ARID1B: variants seen among roughly 807,000 people sequenced by gnomAD.
ARID1B encodes the protein AT-rich interaction domain 1B.
ARID1B carries 30 observed loss-of-function variants against 212.3 expected under a neutral mutation model. That is an observed-to-expected ratio of 0.14 (90% CI 0.11 to 0.19). ARID1B has a LOEUF of 0.19. Ranked by LOEUF, ARID1B falls within the 10% of genes least tolerant of loss-of-function variation. The pLI is 1.00. For missense variants in ARID1B, 2,891 were observed against 3,204.0 expected (o/e 0.90, Z 2.36); for synonymous variants, 1,402 against 1,301.7 (o/e 1.08, Z -1.66).
intron 4 of ARID1B, among the ~76,000 whole-genome samples, chr6:157,055,654 C>T (rs181454104): frequency 6.6e-6 from 1 of 152,268 alleles, no homozygotes; most frequent in Admixed American, 6.5e-5. Flanking sequence ...ACACATTACC[C>T]CCAAATTCAG....
Position 157,203,698 on chromosome 6 carries a change from C to A in ARID1B, c.5264-168C>A. 1 of 859,024 alleles carries A rather than the reference C, an allele frequency of 1.2e-6. No individual in the cohort carries two copies. Among genetic ancestry groups the A allele is most frequent in the Non-Finnish European group, 1.8e-6 (1 of 547,468 alleles). The allele number at this position is 859,024 out of a possible 1,614,324, so 53.2% of individuals were successfully genotyped here. A position where few individuals can be genotyped will look rare whatever the true frequency, so the allele number is the denominator to read the frequency against. ...AAAAGTTTCTCGTTACAGCTATGGCCTCCATTTAAAATCGGAAATGATCAC... is the reference window on the plus strand; with the variant it reads ...AAAAGTTTCTCGTTACAGCTATGGCATCCATTTAAAATCGGAAATGATCAC... On this transcript the variant is annotated intron_variant, in intron 18 of 19. Coordinates refer to ENST00000636930, the MANE Select transcript of ARID1B (RefSeq NM_001374828.1). This position sits in a 1 kb window ranked among gnomAD's most constrained non-coding sequence, Gnocchi z 4.4.
chr6:156,894,331 G>A (rs1264584225), intron 2 of ARID1B, among the ~76,000 whole-genome samples: 4 of 146,000 alleles, frequency 2.7e-5, no homozygotes, highest in Non-Finnish European at 6.1e-5. Context: ...GGAACAGAAT[G>A]TGGGGTTGTT....
intron 4 of ARID1B, among the ~76,000 whole-genome samples, chr6:156,983,714 T>C (rs567022730): frequency 6.6e-6 from 1 of 152,248 alleles, no homozygotes; most frequent in South Asian, 2.1e-4. Flanking sequence ...ACAAACCACC[T>C]CATCCGTGTG....
rs76652801 is a variant in ARID1B, at chr6:157,038,204, C to T, written c.2248-46458C>T. ...AGGTGTAGAAGTATAGGGTAGGTGC[C>T]ATCAGTTACTTCGGAAGTCAGTTTG... On this transcript the variant is annotated intron_variant, in intron 4 of 19. Transcript: ENST00000636930. 3.1e-3 allele frequency among the ~76,000 whole-genome samples: 471 copies of T among 152,120 alleles called. 2 individuals carry two copies. Among genetic ancestry groups the T allele is most frequent in the African/African-American group, 0.011 (447 of 41,492 alleles).
At chr6:156,788,113 A>G (rs748632794) in intron 1 of ARID1B, among the ~76,000 whole-genome samples, 2 of 152,024 alleles carry the variant, frequency 1.3e-5, no homozygotes, top group African/African-American at 2.4e-5. Context: ...GCTGGCATCA[A>G]TTAGGTGATG....
chr6:156,776,832 C>G (rs999520285), upstream of ARID1B: 4 of 152,210 alleles, frequency 2.6e-5, no homozygotes, highest in African/African-American at 9.7e-5. Context: ...CGGGGCTAAC[C>G]TTCATTTCAA....
Position 157,190,188 on chromosome 6 carries a change from C to A in ARID1B, c.4209C>A (p.Asp1403Glu), listed in dbSNP as rs1562336492. ...MGRMPYEPNK[D>E]PFGGMRKVPG... is the part of the protein sequence containing the mutation. ...GGATGCCCTATGAGCCCAACAAGGA[C>A]CCCTTTGGGGGAATGAGAAAAGGTA... Residue 1403 changes from aspartate (D) to glutamate (E), a missense_variant, in exon 15 of 20, where the codon GAC (aspartate) becomes GAA (glutamate). This residue lies in a region of ARID1B where 666 missense variants were observed against 873.5 expected (regional missense o/e 0.76). Coordinates refer to ENST00000636930, the MANE Select transcript of ARID1B (RefSeq NM_001374828.1). The surrounding 1 kb of genome is among the most constrained non-coding windows in gnomAD (Gnocchi z 4.6). 6.2e-7 allele frequency: 1 copy of A among 1,613,230 alleles called. No individual in the cohort carries two copies. Among genetic ancestry groups the A allele is most frequent in the African/African-American group, 1.3e-5 (1 of 74,922 alleles).
chr6:156,853,414 TGAGGCCCAAGCTTCCTTTCCAGG>T lies in ARID1B; in HGVS notation c.1986+23999_1986+24021del, dbSNP rs200053554. On this transcript the variant is annotated intron_variant, in intron 2 of 19. Coordinates refer to ENST00000636930, the MANE Select transcript of ARID1B (RefSeq NM_001374828.1). Reference sequence around the variant, plus strand: ...ACCCAGTCCTCTAGGGTGGTCAGTTTGAGGCCCAAGCTTCCTTTCCAGGGAGGCAGTGGCTTAACCTGGGTCAC... The same window carrying T: ...ACCCAGTCCTCTAGGGTGGTCAGTTTGAGGCAGTGGCTTAACCTGGGTCAC... 2.1e-4 allele frequency among the ~76,000 whole-genome samples: 32 copies of T among 152,318 alleles called. No homozygotes were observed. The East Asian group carries it at 5.8e-3, about 28-fold the overall frequency.
intron 4 of ARID1B, among the ~76,000 whole-genome samples, chr6:157,018,212 C>CTTT (rs1208883079): frequency 0.055 from 3,969 of 72,376 alleles, 743 homozygotes; most frequent in East Asian, 0.066. Context: ...AAGTAGTATG[C>CTTT]TTTTTTTTTT....
At chr6:156,894,828 AACTGG>A (rs1443556746) in intron 2 of ARID1B, among the ~76,000 whole-genome samples, 1 of 152,228 alleles carries the variant, frequency 6.6e-6, no homozygotes, top group Non-Finnish European at 1.5e-5. Context: ...CTAGAGATAG[AACTGG>A]ACTGGACTAT....
At chr6:157,153,292 G>A (rs893646685) in intron 8 of ARID1B, among the ~76,000 whole-genome samples, 1 of 151,788 alleles carries the variant, frequency 6.6e-6, no homozygotes, top group Non-Finnish European at 1.5e-5. Flanking sequence ...TCTTGTTCAC[G>A]TACTAGATTC....
At chr6:156,914,889 CT>C (rs112115510) in intron 3 of ARID1B, among the ~76,000 whole-genome samples, 8,363 of 151,840 alleles carry the variant, frequency 0.055, 793 homozygotes, top group African/African-American at 0.19. Context: ...ATCAAGCCCA[CT>C]TTTTTTTTCT....
At chr6:156,966,391 T>C (rs796105564) in intron 4 of ARID1B, among the ~76,000 whole-genome samples, 81 of 132,732 alleles carry the variant, frequency 6.1e-4, no homozygotes, top group Middle Eastern at 3.6e-3. Context: ...CTTTTCTTTT[T>C]TTTTTTTTTT....
At chr6:157,099,875 G>A (rs781453318) in intron 5 of ARID1B, among the ~76,000 whole-genome samples, 3 of 152,136 alleles carry the variant, frequency 2.0e-5, no homozygotes, top group South Asian at 2.1e-4. Context: ...TCTCAAGTTC[G>A]GGAATTGGAA....
chr6:156,904,538 C>G (rs1419122985), intron 3 of ARID1B, among the ~76,000 whole-genome samples: 2 of 152,236 alleles, frequency 1.3e-5, no homozygotes, highest in Non-Finnish European at 2.9e-5. Context: ...CATCTGCATT[C>G]CCAGTGGGTA....
intron 1 of ARID1B, among the ~76,000 whole-genome samples, chr6:156,809,499 T>C (rs1166997617): frequency 6.6e-6 from 1 of 152,096 alleles, no homozygotes; most frequent in African/African-American, 2.4e-5. Flanking sequence ...TCTGATTTAG[T>C]TGGAAGCAAC....
intron 4 of ARID1B, among the ~76,000 whole-genome samples, chr6:157,060,778 T>A (rs1783295589): frequency 6.6e-6 from 1 of 152,054 alleles, no homozygotes. Context: ...TTTGATTCAG[T>A]CCTTAACCCC....
intron 4 of ARID1B, among the ~76,000 whole-genome samples, chr6:156,989,243 C>T (rs574637424): frequency 9.2e-5 from 14 of 152,336 alleles, no homozygotes; most frequent in Admixed American, 2.0e-4. Context: ...TCTACTCCCA[C>T]GTCTTCCATG....
At chr6:157,122,492 C>G (rs937127060) in intron 6 of ARID1B, among the ~76,000 whole-genome samples, 1 of 152,182 alleles carries the variant, frequency 6.6e-6, no homozygotes, top group Non-Finnish European at 1.5e-5. Flanking sequence ...AATCCATTAT[C>G]TAAATTAACA....
Sources: allele counts gnomAD v4.1 joint callset (sites outside exome capture counted in the v4.1 genomes callset), GRCh38; gene constraint gnomAD v4.1.1; regional missense constraint gnomAD v4.1.1; non-coding constraint Gnocchi (gnomAD v3.1); transcripts MANE v1.5; gene names NCBI Gene and HGNC (gene_info 2026-07-23, HGNC 2026-07-21).